ATP8B4: variants seen among roughly 807,000 people sequenced by gnomAD.
ATP8B4 encodes the protein probable phospholipid-transporting ATPase IM.
In ATP8B4, 133 loss-of-function variants were observed where a neutral mutation model predicts 145.6. That is an observed-to-expected ratio of 0.91 (90% CI 0.79 to 1.05). The LOEUF (loss-of-function observed/expected upper bound fraction) is 1.05, where lower values mean the gene tolerates loss of function less well. Ranked by LOEUF, ATP8B4 falls within the 50% of genes least tolerant of loss-of-function variation. ATP8B4 has a pLI of 0.00. For synonymous variants in ATP8B4, 507 were observed against 492.9 expected (o/e 1.03, Z -0.38); for missense variants, 1,458 against 1,425.2 (o/e 1.02, Z -0.37).
chr15:50,116,183 C>T (rs1026912326), intron 1 of ATP8B4, among the ~76,000 whole-genome samples: 1 of 152,040 alleles, frequency 6.6e-6, no homozygotes, highest in African/African-American at 2.4e-5. Flanking sequence ...TTTGGAAGGC[C>T]GAGGCAGATG....
chr15:50,141,705 A>G (rs1023806481), intron 1 of ATP8B4, among the ~76,000 whole-genome samples: 1 of 152,212 alleles, frequency 6.6e-6, no homozygotes, highest in African/African-American at 2.4e-5. Flanking sequence ...ATTAAATAAG[A>G]GTACAGAAAA....
At chr15:50,115,360 T>A (rs1489559423) in intron 1 of ATP8B4, among the ~76,000 whole-genome samples, 2 of 151,494 alleles carry the variant, frequency 1.3e-5, no homozygotes, top group Non-Finnish European at 2.9e-5. Flanking sequence ...ATAAAAATTT[T>A]AAAAAAGGAT....
intron 1 of ATP8B4, among the ~76,000 whole-genome samples, chr15:50,146,837 G>A (rs1053882612): frequency 6.6e-6 from 1 of 152,126 alleles, no homozygotes; most frequent in African/African-American, 2.4e-5. Context: ...ACAGGAAGAG[G>A]AGGAGCCTTG....
At chr15:50,028,515 G>A (rs2050178127) in intron 6 of ATP8B4, among the ~76,000 whole-genome samples, 1 of 152,088 alleles carries the variant, frequency 6.6e-6, no homozygotes, top group Non-Finnish European at 1.5e-5. Flanking sequence ...GAACTTTTGA[G>A]AGCTGCACAT....
At chr15:49,909,536 T>C (rs951402680) in intron 20 of ATP8B4, among the ~76,000 whole-genome samples, 1 of 151,864 alleles carries the variant, frequency 6.6e-6, no homozygotes, top group Non-Finnish European at 1.5e-5. Context: ...GACACACTAA[T>C]GCCAGTGCCA....
At chr15:50,148,045 C>T (rs574666775) in intron 1 of ATP8B4, among the ~76,000 whole-genome samples, 60 of 152,262 alleles carry the variant, frequency 3.9e-4, no homozygotes, top group African/African-American at 1.3e-3. Context: ...CAACTTAATA[C>T]GAGCAATAAT....
At chr15:49,940,200 G>A (rs1162808288) in intron 14 of ATP8B4, among the ~76,000 whole-genome samples, 2 of 152,138 alleles carry the variant, frequency 1.3e-5, no homozygotes, top group African/African-American at 2.4e-5. Flanking sequence ...ACACACCATG[G>A]AATACTATAC....
chr15:50,002,177 T>G lies in ATP8B4; in HGVS notation c.482A>C (p.Tyr161Ser). ...LSSSEPHGLC[Y>S]VETAELDGET... The stretch of plus-strand genomic sequence containing the variant: ...CCCATCAAGCTCAGCAGTTTCAACA[T>G]AACAGAGACCATGTGGCTCACTACT... Residue 161 changes from tyrosine (Y) to serine (S), a missense_variant, in exon 8 of 28, where the codon TAT (tyrosine) becomes TCT (serine). Tyr to Ser is a moderately radical substitution (Grantham distance 144). Coordinates refer to ENST00000284509, the MANE Select transcript of ATP8B4 (RefSeq NM_024837.4). The G allele has an allele frequency of 6.2e-7, 1 of 1,611,110 alleles. No individual in the cohort carries two copies. Among genetic ancestry groups the G allele is most frequent in the Non-Finnish European group, 8.5e-7 (1 of 1,178,090 alleles).
intron 15 of ATP8B4, 135 bp downstream of exon 15, chr15:49,933,882 T>G: frequency 1.1e-6 from 1 of 893,654 alleles, no homozygotes; most frequent in Non-Finnish European, 1.6e-6. Flanking sequence ...CATCAGTTTC[T>G]GTGTTAAAAA....
At position 49,920,316 on chromosome 15, in the gene ATP8B4, G is replaced by A. The variant is rs200106056; in HGVS notation, c.1853C>T (p.Ala618Val). Reference protein sequence around the residue: ...FKEWHKMLEDANAATEERDER... With the variant: ...FKEWHKMLEDVNAATEERDER... ...ATCCCTCTCTTCTGTGGCAGCATTC[G>A]CATCTTCAAGCATCTTATGCCACTC... Residue 618 changes from alanine (A) to valine (V), a missense_variant, in exon 18 of 28, where the codon GCG (alanine) becomes GTG (valine). Physicochemically the swap from Ala to Val is moderately conservative, Grantham distance 64. Transcript: ENST00000284509. The A allele has an allele frequency of 1.1e-5, 17 of 1,613,884 alleles. No individual in the cohort carries two copies. The highest frequency in any genetic ancestry group is 9.9e-5 in the South Asian group (9 of 91,078).
At chr15:49,974,164 C>T (rs1484953636) in intron 12 of ATP8B4, among the ~76,000 whole-genome samples, 1 of 148,290 alleles carries the variant, frequency 6.7e-6, no homozygotes, top group Non-Finnish European at 1.5e-5. Context: ...CTCACTGCAA[C>T]TTCCGCCTCC....
intron 1 of ATP8B4, among the ~76,000 whole-genome samples, chr15:50,145,176 T>C (rs549659057): frequency 6.6e-6 from 1 of 152,166 alleles, no homozygotes; most frequent in Non-Finnish European, 1.5e-5. Context: ...AAAATCAGGA[T>C]AAAACAAAAT....
At chr15:49,909,961 A>G (rs1184360236) in intron 20 of ATP8B4, among the ~76,000 whole-genome samples, 1 of 152,192 alleles carries the variant, frequency 6.6e-6, no homozygotes, top group Admixed American at 6.5e-5. Flanking sequence ...TACAACTCCA[A>G]AGGAACACCA....
At chr15:49,919,167 G>C (rs1020148085) in intron 18 of ATP8B4, among the ~76,000 whole-genome samples, 7 of 152,138 alleles carry the variant, frequency 4.6e-5, no homozygotes, top group Non-Finnish European at 1.0e-4. Context: ...CAGAGATCTT[G>C]GGACTTATTA....
At position 49,897,387 on chromosome 15, in the gene ATP8B4, G is replaced by A. The variant is rs745514384; in HGVS notation, c.2602C>T (p.Arg868Ter). 1.4e-5 allele frequency: 23 copies of A among 1,613,856 alleles called. No homozygotes were observed. The highest frequency in any genetic ancestry group is 1.7e-4 in the Middle Eastern group (1 of 6,058). ...AAATAGCATAAGAATTTGCACATTCGGAAATAAGACCACCTTCCATGAACA... is the reference window on the plus strand; with the variant it reads ...AAATAGCATAAGAATTTGCACATTCAGAAATAAGACCACCTTCCATGAACA... The part of the protein sequence containing the change: ...LLVHGRWSYF[R>*]MCKFLCYFFY... Residue 868 changes from arginine to a stop codon, truncating the protein, a stop_gained, in exon 23 of 28, where the codon CGA becomes TGA. Transcript: ENST00000284509. LOFTEE classifies it high-confidence loss of function.
intron 1 of ATP8B4, among the ~76,000 whole-genome samples, chr15:50,178,827 GTGCCAAAAA>G (rs981007197): frequency 2.0e-5 from 3 of 152,150 alleles, no homozygotes; most frequent in African/African-American, 7.2e-5. Flanking sequence ...TACTTTTTTA[GTGCCAAAAA>G]TGTCATTCTT....
Position 50,010,930 on chromosome 15 carries a change from A to G in ATP8B4, c.363-13T>C. 6.7e-7 allele frequency: 1 copy of G among 1,500,818 alleles called. No individual in the cohort carries two copies. The highest frequency in any genetic ancestry group is 1.2e-5 in the South Asian group (1 of 80,256). 93.0% of individuals were successfully genotyped at this position (1,500,818 alleles called of 1,614,324 possible). ...TTCATTCTGCAGTCTAAAAACAAAAATAAAATTAATTTTCTTCAAGAATGA... is the reference window on the plus strand; with the variant it reads ...TTCATTCTGCAGTCTAAAAACAAAAGTAAAATTAATTTTCTTCAAGAATGA... On this transcript the variant is annotated splice_polypyrimidine_tract_variant and intron_variant, in intron 6 of 27. Coordinates refer to ENST00000284509, the MANE Select transcript of ATP8B4 (RefSeq NM_024837.4).
chr15:49,876,970 A>G (rs567749363), intron 24 of ATP8B4, among the ~76,000 whole-genome samples: 2 of 152,214 alleles, frequency 1.3e-5, no homozygotes, highest in Non-Finnish European at 2.9e-5. Context: ...AGAGCTGTGG[A>G]GTCAGAATTG....
chr15:49,954,620 C>T (rs895622761), intron 14 of ATP8B4, among the ~76,000 whole-genome samples: 6 of 151,992 alleles, frequency 3.9e-5, no homozygotes, highest in Non-Finnish European at 5.9e-5. Flanking sequence ...AAAATCATAA[C>T]GAGATACCAT....
Sources: gnomAD v4.1 joint callset for allele counts (sites outside exome capture counted in the v4.1 genomes callset) on GRCh38, gnomAD v4.1.1 for gene constraint, MANE v1.5 for transcripts, NCBI Gene and HGNC (gene_info 2026-07-23, HGNC 2026-07-21) for gene names.